PRKG1: variants seen among roughly 807,000 people sequenced by gnomAD.
PRKG1 encodes the protein protein kinase cGMP-dependent 1, also known as cGMP-dependent protein kinase 1.
A neutral mutation model predicts 88.1 loss-of-function variants in PRKG1; 35 were observed. That is an observed-to-expected ratio of 0.40 (90% CI 0.30 to 0.53). The LOEUF (loss-of-function observed/expected upper bound fraction) is 0.53, where lower values mean the gene tolerates loss of function less well. Ranked by LOEUF, PRKG1 falls within the 20% of genes least tolerant of loss-of-function variation. The pLI, the probability that PRKG1 is intolerant of heterozygous loss-of-function variation, is 0.59. For missense variants in PRKG1, 540 were observed against 839.8 expected (o/e 0.64, Z 4.41); for synonymous variants, 303 against 292.5 (o/e 1.04, Z -0.37).
At chr10:51,831,171 T>C (rs1839997889) in intron 4 of PRKG1, among the ~76,000 whole-genome samples, 1 of 152,166 alleles carries the variant, frequency 6.6e-6, no homozygotes, top group South Asian at 2.1e-4. Flanking sequence ...GCCTTATTTT[T>C]ATTTATATAT....
intron 2 of PRKG1, among the ~76,000 whole-genome samples, chr10:51,363,321 GTA>G (rs763252090): frequency 6.6e-6 from 1 of 151,804 alleles, no homozygotes; most frequent in Non-Finnish European, 1.5e-5. Context: ...TGGCTGCCCA[GTA>G]TATTACACTG....
intron 3 of PRKG1, among the ~76,000 whole-genome samples, chr10:51,570,067 A>ATATATATATATATATATATATG (rs1491310201): frequency 0.019 from 2,183 of 112,448 alleles, 47 homozygotes; most frequent in Non-Finnish European, 0.03. Context: ...ATATATATAT[A>ATATATATATATATATATATATG]TGTGTGTGTG....
chr10:51,284,360 C>G (rs1840379121), intron 2 of PRKG1, among the ~76,000 whole-genome samples: 1 of 152,166 alleles, frequency 6.6e-6, no homozygotes, highest in African/African-American at 2.4e-5. Context: ...TACTAGGAAG[C>G]TGAGGCTCAG....
chr10:51,526,840 C>G (rs1262677250), intron 3 of PRKG1, among the ~76,000 whole-genome samples: 1 of 152,094 alleles, frequency 6.6e-6, no homozygotes, highest in Non-Finnish European at 1.5e-5. Flanking sequence ...TGAAGGACTT[C>G]TCTGTACATT....
intron 1 of PRKG1, among the ~76,000 whole-genome samples, chr10:51,085,220 T>C (rs1844217848): frequency 6.6e-6 from 1 of 152,222 alleles, no homozygotes; most frequent in African/African-American, 2.4e-5. Flanking sequence ...TGTATCTTCC[T>C]AATACCTACG....
intron 3 of PRKG1, among the ~76,000 whole-genome samples, chr10:51,479,218 A>G (rs1388378009): frequency 6.6e-6 from 1 of 152,062 alleles, no homozygotes; most frequent in Admixed American, 6.6e-5. Flanking sequence ...AATTATTTGA[A>G]TGCCTTTTAA....
At chr10:51,780,559 A>T (rs1201195436) in intron 3 of PRKG1, among the ~76,000 whole-genome samples, 1 of 152,180 alleles carries the variant, frequency 6.6e-6, no homozygotes, top group Non-Finnish European at 1.5e-5. Context: ...GCTACCACAT[A>T]ACTTGTAATT....
chr10:52,053,870 T>A (rs1846047396), intron 5 of PRKG1, among the ~76,000 whole-genome samples: 1 of 152,140 alleles, frequency 6.6e-6, no homozygotes, highest in Non-Finnish European at 1.5e-5. Flanking sequence ...AAGCATGAAG[T>A]GGTGCCTTAA....
At chr10:51,076,413 C>T (rs1001861153) in intron 1 of PRKG1, among the ~76,000 whole-genome samples, 2 of 152,196 alleles carry the variant, frequency 1.3e-5, no homozygotes, top group Non-Finnish European at 2.9e-5. Context: ...ACTGTTTTAG[C>T]TAACGAGGTA....
At position 51,595,004 on chromosome 10, in the gene PRKG1, T is replaced by G. The variant is rs115639478; in HGVS notation, c.592+127168T>G. ...GATTTAGAGTTATGAAATGAGTCAG[T>G]GCTCCTGGATGTATGATAATGGAAT... On this transcript the variant is annotated intron_variant, in intron 3 of 17. Transcript: ENST00000373980. Among the ~76,000 whole-genome samples, 236 of 152,292 alleles carry G rather than the reference T, an allele frequency of 1.5e-3. 1 individual carries two copies. The highest frequency in any genetic ancestry group is 5.4e-3 in the African/African-American group (226 of 41,572).
intron 5 of PRKG1, among the ~76,000 whole-genome samples, chr10:52,007,442 G>A (rs1356723817): frequency 6.6e-6 from 1 of 152,028 alleles, no homozygotes; most frequent in Non-Finnish European, 1.5e-5. Context: ...AATATACAAA[G>A]CAAAGAAAAC....
intron 6 of PRKG1, among the ~76,000 whole-genome samples, chr10:52,058,112 A>T (rs1426322143): frequency 3.3e-5 from 5 of 152,032 alleles, no homozygotes; most frequent in African/African-American, 9.7e-5. Flanking sequence ...GGCATTATTC[A>T]GTTCATTTTT....
At chr10:52,096,808 G>A (rs1356434913) in intron 7 of PRKG1, among the ~76,000 whole-genome samples, 2 of 151,794 alleles carry the variant, frequency 1.3e-5, no homozygotes, top group African/African-American at 4.8e-5. Context: ...AACTCCCTTG[G>A]GCTATTATTT....
At chr10:51,299,575 C>T (rs1280365063) in intron 2 of PRKG1, 1 of 472,832 alleles carries the variant, frequency 2.1e-6, no homozygotes, top group Admixed American at 2.3e-5. Flanking sequence ...TGTCTCTAGC[C>T]CTAGCTTGGT....
chr10:51,341,720 T>C (rs1432269449), intron 2 of PRKG1, among the ~76,000 whole-genome samples: 2 of 152,178 alleles, frequency 1.3e-5, no homozygotes, highest in African/African-American at 4.8e-5. Flanking sequence ...CTGTATTAGT[T>C]GGCTCTCATG....
In PRKG1 at chr10:51,907,500, T is replaced by C. The variant is rs374748494; in HGVS notation, c.699-7T>C. 24 of 1,612,068 alleles carry C rather than the reference T, an allele frequency of 1.5e-5. No homozygotes were observed. Among genetic ancestry groups the C allele is most frequent in the Non-Finnish European group, 1.7e-5 (20 of 1,178,470 alleles). Reference sequence around the variant, plus strand: ...TGTGTTCAGCACTATTCTGTTTTGTTTTTCAGCGTTCCAACATTCCAGAGC... The same window carrying C: ...TGTGTTCAGCACTATTCTGTTTTGTCTTTCAGCGTTCCAACATTCCAGAGC... On this transcript the variant is annotated splice_polypyrimidine_tract_variant and splice_region_variant and intron_variant, in intron 4 of 17. Transcript: ENST00000373980.
chr10:51,767,621 T>C (rs1838201156), intron 3 of PRKG1, among the ~76,000 whole-genome samples: 1 of 150,656 alleles, frequency 6.6e-6, no homozygotes, highest in South Asian at 2.1e-4. Context: ...TTTCTCTAGC[T>C]TTTGAATTTT....
chr10:51,275,850 C>A (rs1453887979), intron 2 of PRKG1, among the ~76,000 whole-genome samples: 2 of 151,352 alleles, frequency 1.3e-5, no homozygotes, highest in South Asian at 2.1e-4. Context: ...AAAGAAAAGG[C>A]AAGTAAAAGT....
intron 2 of PRKG1, among the ~76,000 whole-genome samples, chr10:51,461,304 A>G (rs955741484): frequency 1.3e-5 from 2 of 152,186 alleles, no homozygotes; most frequent in Admixed American, 6.5e-5. Context: ...CCCTGTAAGA[A>G]TTATTTCTAT....
Sources: allele counts gnomAD v4.1 joint callset (sites outside exome capture counted in the v4.1 genomes callset), GRCh38; gene constraint gnomAD v4.1.1; transcripts MANE v1.5; gene names NCBI Gene and HGNC (gene_info 2026-07-23, HGNC 2026-07-21).